The following PPP2R5E variants were observed in gnomAD, a reference collection of about 807,000 sequenced individuals.
PPP2R5E encodes the protein serine/threonine-protein phosphatase 2A 56 kDa regulatory subunit epsilon isoform.
Under a neutral mutation model 65.3 loss-of-function variants are expected in PPP2R5E, and 4 were observed. The observed-to-expected ratio is 0.06, with a 90% CI of 0.03 to 0.14. PPP2R5E has a LOEUF of 0.14. Ranked by LOEUF, PPP2R5E falls within the 10% of genes least tolerant of loss-of-function variation. The pLI is 1.00. For synonymous variants in PPP2R5E, 183 were observed against 187.4 expected (o/e 0.98, Z 0.19); for missense variants, 274 against 556.1 (o/e 0.49, Z 5.10).
At chr14:63,517,499 T>C (rs1892713352) in intron 2 of PPP2R5E, among the ~76,000 whole-genome samples, 6 of 152,200 alleles carry the variant, frequency 3.9e-5, no homozygotes, top group Admixed American at 3.9e-4. Context: ...TTTATTTATT[T>C]TGTTAGACCC....
chr14:63,522,081 T>C (rs1379506158), intron 2 of PPP2R5E, among the ~76,000 whole-genome samples: 5 of 150,374 alleles, frequency 3.3e-5, no homozygotes, highest in Non-Finnish European at 5.9e-5. Flanking sequence ...GTGCCTGCGA[T>C]TGCAGGCACG....
chr14:63,495,417 CA>C lies in PPP2R5E; in HGVS notation c.158-41533del, dbSNP rs772700927. ...CAAAACCCCATCTCTACTAAAAATA[CA>C]AAAAAAAAAAAAAAAATTAGCTGGG... is the stretch of plus-strand genomic sequence containing the variant. On this transcript the variant is annotated intron_variant, in intron 2 of 13. Transcript: ENST00000337537. 3.5e-3 allele frequency among the ~76,000 whole-genome samples: 330 copies of C among 93,218 alleles called. 2 individuals are homozygous for C. The highest frequency in any genetic ancestry group is 0.028 in the Middle Eastern group (5 of 180). 61.2% of individuals were successfully genotyped at this position (93,218 alleles called of 152,430 possible).
intron 2 of PPP2R5E, among the ~76,000 whole-genome samples, chr14:63,491,312 A>T (rs1043365068): frequency 3.9e-5 from 6 of 152,098 alleles, no homozygotes; most frequent in African/African-American, 1.4e-4. Flanking sequence ...TTCGAAACCA[A>T]ACCTCAGCAT....
chr14:63,490,638 T>A (rs1891237649), intron 2 of PPP2R5E, among the ~76,000 whole-genome samples: 1 of 152,024 alleles, frequency 6.6e-6, no homozygotes, highest in Non-Finnish European at 1.5e-5. Context: ...GAAAAAATGC[T>A]CACTATCACT....
chr14:63,455,969 G>C (rs7161634), intron 2 of PPP2R5E, among the ~76,000 whole-genome samples: 8 of 152,058 alleles, frequency 5.3e-5, no homozygotes, highest in Non-Finnish European at 1.2e-4. Context: ...GTTTTGCCAT[G>C]TTGGCCAGGC....
At chr14:63,441,571 T>C (rs1888238484) in intron 3 of PPP2R5E, among the ~76,000 whole-genome samples, 1 of 152,228 alleles carries the variant, frequency 6.6e-6, no homozygotes, top group Admixed American at 6.5e-5. Context: ...GAGTCACATG[T>C]ACCTTTGAAA....
chr14:63,407,202 G>C (rs896744048), intron 5 of PPP2R5E, among the ~76,000 whole-genome samples: 2 of 152,016 alleles, frequency 1.3e-5, no homozygotes, highest in Admixed American at 1.3e-4. Flanking sequence ...GTCCAAGGTC[G>C]AATACAAAAA....
At chr14:63,539,408 G>C in intron 2 of PPP2R5E, 121 bp downstream of exon 2, 1 of 1,046,300 alleles carries the variant, frequency 9.6e-7, no homozygotes, top group Non-Finnish European at 1.4e-6. Context: ...TAACTTCAAT[G>C]TATGTGAAGT....
intron 3 of PPP2R5E, among the ~76,000 whole-genome samples, chr14:63,441,206 CT>C (rs11346594): frequency 0.17 from 25,339 of 152,194 alleles, 2,238 homozygotes; most frequent in East Asian, 0.21. Flanking sequence ...TGGCCATCTT[CT>C]TTCATTAGTA....
chr14:63,433,195 AC>A (rs1318694233), intron 3 of PPP2R5E, among the ~76,000 whole-genome samples: 2 of 151,014 alleles, frequency 1.3e-5, no homozygotes, highest in East Asian at 3.9e-4. Flanking sequence ...GTGCCACCAC[AC>A]CCTGCTAATT....
chr14:63,426,805 C>T (rs949646882), intron 3 of PPP2R5E, among the ~76,000 whole-genome samples: 5 of 151,002 alleles, frequency 3.3e-5, no homozygotes, highest in African/African-American at 1.2e-4. Context: ...TTTAACTGTA[C>T]AGTTGAGCTC....
chr14:63,471,224 C>A (rs17225301), intron 2 of PPP2R5E, among the ~76,000 whole-genome samples: 1 of 152,134 alleles, frequency 6.6e-6, no homozygotes, highest in African/African-American at 2.4e-5. Context: ...TTCATAGACC[C>A]AGATGGGCCA....
At chr14:63,509,949 C>T (rs1290382479) in intron 2 of PPP2R5E, among the ~76,000 whole-genome samples, 1 of 152,208 alleles carries the variant, frequency 6.6e-6, no homozygotes, top group African/African-American at 2.4e-5. Flanking sequence ...ACACCACTAC[C>T]TGAGCATCCA....
intron 2 of PPP2R5E, among the ~76,000 whole-genome samples, chr14:63,473,216 C>T (rs375897047): frequency 5.3e-5 from 8 of 152,120 alleles, no homozygotes; most frequent in African/African-American, 1.9e-4. Flanking sequence ...GTGGCAACAA[C>T]AGAATGTGAG....
chr14:63,414,389 CATTT>C (rs1480942265), intron 5 of PPP2R5E, among the ~76,000 whole-genome samples: 1 of 152,144 alleles, frequency 6.6e-6, no homozygotes, highest in Non-Finnish European at 1.5e-5. Flanking sequence ...AGGAGATAAA[CATTT>C]ATTCTTTCCT....
chr14:63,419,186 A>G (rs1332953574), intron 4 of PPP2R5E, among the ~76,000 whole-genome samples: 1 of 152,158 alleles, frequency 6.6e-6, no homozygotes, highest in African/African-American at 2.4e-5. Flanking sequence ...TAAATCAAAA[A>G]GGTATGCAGG....
At chr14:63,509,916 A>C (rs1566752932) in intron 2 of PPP2R5E, among the ~76,000 whole-genome samples, 1 of 152,152 alleles carries the variant, frequency 6.6e-6, no homozygotes, top group Non-Finnish European at 1.5e-5. Flanking sequence ...CAGGAATTTC[A>C]AGAGTACACA....
At chr14:63,385,519 G>A (rs138154516) in intron 11 of PPP2R5E, among the ~76,000 whole-genome samples, 56 of 152,006 alleles carry the variant, frequency 3.7e-4, no homozygotes, top group African/African-American at 1.2e-3. Flanking sequence ...CACTTAGATC[G>A]AACCCAGGGC....
chr14:63,384,319 G>T (rs1236752100), intron 12 of PPP2R5E, 125 bp downstream of exon 12: 3 of 1,141,968 alleles, frequency 2.6e-6, no homozygotes, highest in Admixed American at 2.2e-5. Context: ...TCCCCAGAAG[G>T]TAAGGATTTT....
Sources: allele counts gnomAD v4.1 joint callset (sites outside exome capture counted in the v4.1 genomes callset), GRCh38; gene constraint gnomAD v4.1.1; transcripts MANE v1.5; gene names NCBI Gene and HGNC (gene_info 2026-07-23, HGNC 2026-07-21).